The following MITF variants were observed in gnomAD, a reference collection of about 807,000 sequenced individuals.
MITF encodes the protein microphthalmia-associated transcription factor.
In MITF, 17 loss-of-function variants were observed where a neutral mutation model predicts 60.5. That is an observed-to-expected ratio of 0.28 (90% CI 0.19 to 0.42). The LOEUF (loss-of-function observed/expected upper bound fraction) is 0.42, where lower values mean the gene tolerates loss of function less well. Ranked by LOEUF, MITF falls within the 10% of genes least tolerant of loss-of-function variation. The pLI is 1.00. For synonymous variants in MITF, 260 were observed against 248.5 expected, an observed-to-expected ratio of 1.05 and a Z score of -0.43; for missense variants, 622 against 683.5, an observed-to-expected ratio of 0.91 and a Z score of 1.00.
chr3:69,869,028 G>T (rs139613981), intron 1 of MITF, among the ~76,000 whole-genome samples: 2 of 151,854 alleles, frequency 1.3e-5, no homozygotes, highest in East Asian at 3.9e-4. Context: ...TAGAATTAAG[G>T]AACTGTCGTA....
chr3:69,808,476 C>A (rs2063047200), intron 1 of MITF, among the ~76,000 whole-genome samples: 1 of 151,948 alleles, frequency 6.6e-6, no homozygotes, highest in Non-Finnish European at 1.5e-5. Flanking sequence ...ATAGTGAATA[C>A]CAATTTATAG....
chr3:69,947,294 G>A (rs1200744344), intron 5 of MITF, among the ~76,000 whole-genome samples: 1 of 152,114 alleles, frequency 6.6e-6, no homozygotes, highest in African/African-American at 2.4e-5. Context: ...CAAAAGATAG[G>A]GGAATAAAGC....
At chr3:69,745,734 T>G (rs764689673) in intron 1 of MITF, among the ~76,000 whole-genome samples, 6 of 152,180 alleles carry the variant, frequency 3.9e-5, no homozygotes, top group Non-Finnish European at 8.8e-5. Context: ...CCTGCTTAAG[T>G]GCTGTCTGTG....
At chr3:69,790,133 G>A (rs898150202) in intron 1 of MITF, among the ~76,000 whole-genome samples, 4 of 152,124 alleles carry the variant, frequency 2.6e-5, no homozygotes, top group African/African-American at 9.7e-5. Context: ...CTACAACATA[G>A]ATGAATCTTT....
chr3:69,818,725 G>A (rs892768178), intron 1 of MITF, among the ~76,000 whole-genome samples: 3 of 151,950 alleles, frequency 2.0e-5, no homozygotes, highest in African/African-American at 2.4e-5. Context: ...AATTTTTAAT[G>A]GAAAATACTG....
intron 1 of MITF, among the ~76,000 whole-genome samples, chr3:69,794,370 G>GT (rs1328180851): frequency 6.6e-6 from 1 of 152,142 alleles, no homozygotes; most frequent in African/African-American, 2.4e-5. Context: ...TTAAAGCATT[G>GT]TTTTTTGTTT....
chr3:69,760,880 G>A (rs551819777), intron 1 of MITF, among the ~76,000 whole-genome samples: 8 of 152,330 alleles, frequency 5.3e-5, no homozygotes, highest in Admixed American at 6.5e-5. Context: ...ATAGTTATCA[G>A]AATGGTCATT....
At chr3:69,766,686 G>A (rs62250970) in intron 1 of MITF, among the ~76,000 whole-genome samples, 31,407 of 151,936 alleles carry the variant, frequency 0.21, 3,545 homozygotes, top group East Asian at 0.47. Flanking sequence ...TCTGTCTCCC[G>A]CTATATACAA....
intron 1 of MITF, among the ~76,000 whole-genome samples, chr3:69,837,001 G>A (rs1350455172): frequency 3.9e-5 from 6 of 152,212 alleles, no homozygotes; most frequent in Admixed American, 2.6e-4. Context: ...CACCATTGAC[G>A]TCCCCAATGT....
At chr3:69,795,171 T>A (rs564012165) in intron 1 of MITF, among the ~76,000 whole-genome samples, 72 of 152,222 alleles carry the variant, frequency 4.7e-4, no homozygotes, top group Non-Finnish European at 6.9e-4. Flanking sequence ...GTTATTTAAA[T>A]GTTTTGATGC....
intron 1 of MITF, among the ~76,000 whole-genome samples, chr3:69,833,418 G>A (rs1039758966): frequency 6.6e-6 from 1 of 151,826 alleles, no homozygotes; most frequent in Admixed American, 6.6e-5. Context: ...TGGTTTCCCC[G>A]TTTACACTGT....
intron 1 of MITF, among the ~76,000 whole-genome samples, chr3:69,765,270 C>T (rs1264048447): frequency 6.6e-6 from 1 of 152,154 alleles, no homozygotes; most frequent in African/African-American, 2.4e-5. Context: ...TGTTTGTTCA[C>T]AGTATTAGTT....
rs145737775 is a variant in MITF, at chr3:69,961,273, C to T, written c.1179+1853C>T. 8.3e-3 allele frequency among the ~76,000 whole-genome samples: 1,262 copies of T among 151,896 alleles called. 14 individuals carry two copies. The highest frequency in any genetic ancestry group is 0.028 in the African/African-American group (1,153 of 41,388). On this transcript the variant is annotated intron_variant, in intron 9 of 9. Coordinates refer to ENST00000352241, the MANE Select transcript of MITF (RefSeq NM_001354604.2). Reference sequence around the variant, plus strand: ...TGGCGGGCGCCTGTAATCCCAGCTACTCGTGAGGCTGAGGCAGAGAATCAC... The same window carrying T: ...TGGCGGGCGCCTGTAATCCCAGCTATTCGTGAGGCTGAGGCAGAGAATCAC...
At chr3:69,845,658 G>A (rs2063719742) in intron 1 of MITF, among the ~76,000 whole-genome samples, 1 of 152,038 alleles carries the variant, frequency 6.6e-6, no homozygotes, top group South Asian at 2.1e-4. Context: ...ATGTGTTTGT[G>A]TCTAGTTCAC....
intron 1 of MITF, among the ~76,000 whole-genome samples, chr3:69,770,657 A>G (rs2062379347): frequency 6.6e-6 from 1 of 152,182 alleles, no homozygotes; most frequent in Non-Finnish European, 1.5e-5. Flanking sequence ...AGGAATTTAA[A>G]GTGTTTTGAG....
Position 69,866,406 on chromosome 3 carries a change from T to TC in MITF, c.105-12727dup. 2.5e-6 allele frequency: 4 copies of TC among 1,604,362 alleles called. 1 individual carries two copies. The South Asian group carries it at 4.5e-5, about 18-fold the overall frequency. ...ACCACTTAAGAGGAGCAGTTTTTTT[T>TC]CTCTTTAAGGGGGAGGATAAAGGAA... On this transcript the variant is annotated intron_variant, in intron 1 of 9. Transcript: ENST00000352241.
At chr3:69,919,414 A>C (rs1260390622) in intron 2 of MITF, among the ~76,000 whole-genome samples, 1 of 152,164 alleles carries the variant, frequency 6.6e-6, no homozygotes, top group Non-Finnish European at 1.5e-5. Flanking sequence ...TTTTGTAGGG[A>C]GGCAAATAAT....
At chr3:69,859,871 A>G (rs916071670) in intron 1 of MITF, among the ~76,000 whole-genome samples, 1 of 152,112 alleles carries the variant, frequency 6.6e-6, no homozygotes, top group Non-Finnish European at 1.5e-5. Flanking sequence ...AAACACCATG[A>G]TTTTCAGGTG....
intron 9 of MITF, among the ~76,000 whole-genome samples, chr3:69,963,726 A>G (rs567075148): frequency 6.6e-6 from 1 of 152,286 alleles, no homozygotes; most frequent in East Asian, 1.9e-4. Context: ...AGCAACTGCC[A>G]AAAGCTCAAC....
Sources: gnomAD v4.1 joint callset for allele counts (sites outside exome capture counted in the v4.1 genomes callset) on GRCh38, gnomAD v4.1.1 for gene constraint, MANE v1.5 for transcripts, NCBI Gene and HGNC (gene_info 2026-07-23, HGNC 2026-07-21) for gene names.